Variants in MAP4K4 observed in about 807,000 individuals in gnomAD.
MAP4K4 encodes mitogen-activated protein kinase kinase kinase kinase 4, also known as HPK/GCK-like kinase HGK.
MAP4K4 carries 38 observed loss-of-function variants against 189.6 expected under a neutral mutation model. The observed-to-expected ratio is 0.20, with a 90% confidence interval of 0.15 to 0.26. The LOEUF (loss-of-function observed/expected upper bound fraction) is 0.26, where lower values mean the gene tolerates loss of function less well. Ranked by LOEUF, MAP4K4 falls within the 10% of genes least tolerant of loss-of-function variation. The pLI is 1.00. For missense variants in MAP4K4, 1,054 were observed against 1,726.9 expected (o/e 0.61, Z 6.91); for synonymous variants, 610 against 624.3 (o/e 0.98, Z 0.34).
chr2:101,739,362 T>A (rs776132919), intron 2 of MAP4K4, among the ~76,000 whole-genome samples: 25 of 152,092 alleles, frequency 1.6e-4, no homozygotes, highest in Admixed American at 6.6e-4. Context: ...ATTTATTTTC[T>A]TCATGGATAG....
At chr2:101,884,326 A>G (rs1340382668) in intron 28 of MAP4K4, among the ~76,000 whole-genome samples, 1 of 152,262 alleles carries the variant, frequency 6.6e-6, no homozygotes, top group Non-Finnish European at 1.5e-5. Flanking sequence ...TATTAGCAAT[A>G]CAGATACGGA....
intron 3 of MAP4K4, among the ~76,000 whole-genome samples, chr2:101,799,328 C>A (rs1048911210): frequency 1.3e-5 from 2 of 152,072 alleles, no homozygotes; most frequent in African/African-American, 4.8e-5. Flanking sequence ...TCCTTGTTAC[C>A]TTCTCCTTAT....
At chr2:101,711,522 T>G (rs1235662183) in intron 2 of MAP4K4, among the ~76,000 whole-genome samples, 1 of 152,230 alleles carries the variant, frequency 6.6e-6, no homozygotes, top group Non-Finnish European at 1.5e-5. Context: ...CCCAAAGTGC[T>G]GGGATTACAG....
chr2:101,762,343 TG>T (rs1331304179), intron 2 of MAP4K4, among the ~76,000 whole-genome samples: 3 of 152,198 alleles, frequency 2.0e-5, no homozygotes, highest in Non-Finnish European at 2.9e-5. Flanking sequence ...AATCCATGCC[TG>T]GCATAGGTAG....
chr2:101,890,333 A>G (rs1340445546), intron 32 of MAP4K4, among the ~76,000 whole-genome samples: 23 of 152,202 alleles, frequency 1.5e-4, no homozygotes, highest in Non-Finnish European at 2.9e-5. Flanking sequence ...TTGTCTCACA[A>G]TATGCCAACG....
chr2:101,870,502 CCAT>C, intron 23 of MAP4K4, 87 bp downstream of exon 23: 17 of 1,533,466 alleles, frequency 1.1e-5, no homozygotes, highest in Non-Finnish European at 1.5e-5. Context: ...TGCTGTTTCT[CCAT>C]CATCATCTGT....
chr2:101,733,624 G>A (rs980425776), intron 2 of MAP4K4, among the ~76,000 whole-genome samples: 1 of 152,184 alleles, frequency 6.6e-6, no homozygotes, highest in Non-Finnish European at 1.5e-5. Context: ...ACACCAAAGG[G>A]CAAAATGTAT....
At chr2:101,882,489 G>C (rs1379855730) in intron 27 of MAP4K4, 62 bp from the exon 28 acceptor site, 4 of 1,301,680 alleles carry the variant, frequency 3.1e-6, no homozygotes, top group Non-Finnish European at 4.1e-6. Flanking sequence ...GGTTACTATT[G>C]TTATTAATGA....
intron 3 of MAP4K4, among the ~76,000 whole-genome samples, chr2:101,818,534 TA>T (rs2095852739): frequency 6.6e-6 from 1 of 152,168 alleles, no homozygotes; most frequent in African/African-American, 2.4e-5. Context: ...ACCACATAGT[TA>T]CTACCATTGA....
At chr2:101,796,941 A>G (rs1476867633) in intron 3 of MAP4K4, among the ~76,000 whole-genome samples, 1 of 152,252 alleles carries the variant, frequency 6.6e-6, no homozygotes, top group Non-Finnish European at 1.5e-5. Flanking sequence ...GGCAAGAGCC[A>G]TACAAGAAGC....
chr2:101,768,867 C>T (rs756588780), intron 2 of MAP4K4, among the ~76,000 whole-genome samples: 59 of 152,286 alleles, frequency 3.9e-4, no homozygotes, highest in Middle Eastern at 6.8e-3. Context: ...TTTATTTGCT[C>T]CGTGGTGAAA....
At chr2:101,781,608 C>G (rs1270589649) in intron 2 of MAP4K4, among the ~76,000 whole-genome samples, 1 of 152,136 alleles carries the variant, frequency 6.6e-6, no homozygotes, top group Non-Finnish European at 1.5e-5. Context: ...CTAACCCACT[C>G]TCTTAGACTA....
intron 24 of MAP4K4, 32 bp from the exon 25 acceptor site, chr2:101,873,615 T>C (rs1359058538): frequency 8.9e-7 from 1 of 1,123,134 alleles, no homozygotes; most frequent in Non-Finnish European, 1.4e-6. Flanking sequence ...AAAATGCCAG[T>C]TGTATTAATA....
At chr2:101,748,340 T>C (rs142613471) in intron 2 of MAP4K4, among the ~76,000 whole-genome samples, 227 of 152,334 alleles carry the variant, frequency 1.5e-3, no homozygotes, top group Non-Finnish European at 2.4e-3. Context: ...GCTTCTGGTA[T>C]TTGCCTTTTA....
At chr2:101,752,502 G>A (rs976969422) in intron 2 of MAP4K4, among the ~76,000 whole-genome samples, 5 of 152,082 alleles carry the variant, frequency 3.3e-5, no homozygotes, top group African/African-American at 4.8e-5. Context: ...ATAGTGCCTA[G>A]CCTATTTTCT....
chr2:101,844,475 G>A (rs547850392), intron 12 of MAP4K4, among the ~76,000 whole-genome samples, 164 bp downstream of exon 12: 55 of 152,352 alleles, frequency 3.6e-4, no homozygotes, highest in African/African-American at 1.1e-3. Context: ...GCTTTGGACT[G>A]GCAGGCCTTC....
chr2:101,894,154 A>G (rs1418909574), exon 33 of MAP4K4: 1 of 152,782 alleles, frequency 6.5e-6, no homozygotes, highest in African/African-American at 2.4e-5. Flanking sequence ...AGAAGTGCCA[A>G]TATGGCAAAA....
At chr2:101,885,449 C>T (rs753963859) in intron 29 of MAP4K4, among the ~76,000 whole-genome samples, 162 bp downstream of exon 29, 30 of 152,144 alleles carry the variant, frequency 2.0e-4, no homozygotes, top group Admixed American at 5.2e-4. Flanking sequence ...ATGTAATAAG[C>T]TTAGTTAAGC....
rs368367953 is a variant in MAP4K4 at position 101,746,272 on chromosome 2, C to T, written c.124-44448C>T. On this transcript the variant is annotated intron_variant, in intron 2 of 32. Transcript: ENST00000324219. ...AAAGCACTGTGATTGCAAGTGTGAGCCACTGTGCCTGGCCCTGATTTTTTT... is the reference window on the plus strand; with the variant it reads ...AAAGCACTGTGATTGCAAGTGTGAGTCACTGTGCCTGGCCCTGATTTTTTT... 1.9e-4 allele frequency among the ~76,000 whole-genome samples: 28 copies of T among 151,320 alleles called. No homozygotes were observed. The East Asian group carries it at 5.2e-3, about 28-fold the overall frequency.
Sources: gnomAD v4.1 joint callset for allele counts (sites outside exome capture counted in the v4.1 genomes callset) on GRCh38, gnomAD v4.1.1 for gene constraint, MANE v1.5 for transcripts, NCBI Gene and HGNC (gene_info 2026-07-23, HGNC 2026-07-21) for gene names.